The following SMARCC1 variants were observed in gnomAD, a reference collection of about 807,000 sequenced individuals.
SMARCC1 encodes SWI/SNF related BAF chromatin remodeling complex subunit C1.
Under a neutral mutation model 147.4 loss-of-function variants are expected in SMARCC1, and 43 were observed. The observed-to-expected ratio is 0.29, with a 90% confidence interval of 0.23 to 0.38. The LOEUF (loss-of-function observed/expected upper bound fraction) is 0.38. Ranked by LOEUF, SMARCC1 falls within the 10% of genes least tolerant of loss-of-function variation. The pLI is 1.00. For synonymous variants in SMARCC1, 495 were observed against 484.4 expected (o/e 1.02, Z -0.29); for missense variants, 1,119 against 1,381.1 (o/e 0.81, Z 3.01).
chr3:47,619,466 G>C (rs778372295), intron 25 of SMARCC1, among the ~76,000 whole-genome samples: 1 of 152,242 alleles, frequency 6.6e-6, no homozygotes, highest in Non-Finnish European at 1.5e-5. Context: ...TGCCACTGCA[G>C]TAAATGTGAA....
Position 47,680,479 on chromosome 3 carries a change from G to A in SMARCC1, c.1415C>T (p.Pro472Leu). Residue 472 changes from proline (P) to leucine (L), a missense_variant, in exon 15 of 28, where the codon CCT becomes CTT. This residue lies in a region of SMARCC1 where 542 missense variants were observed against 611.8 expected (regional missense o/e 0.89). Transcript: ENST00000254480. ...TTTGTTTTTTCCATTGAAGAACTCA[G>A]GAAGAGCACGCCGTTCAATCACATG... is the stretch of plus-strand genomic sequence containing the variant. The part of the protein sequence containing the change: ...CIHVIERRAL[P>L]EFFNGKNKSK... The A allele has an allele frequency of 6.2e-7, 1 of 1,606,040 alleles. No individual in the cohort carries two copies. Among genetic ancestry groups the A allele is most frequent in the Non-Finnish European group, 8.5e-7 (1 of 1,175,924 alleles).
chr3:47,592,365 T>G (rs1414330276), intron 26 of SMARCC1, among the ~76,000 whole-genome samples: 1 of 152,268 alleles, frequency 6.6e-6, no homozygotes, highest in East Asian at 1.9e-4. Context: ...AATACATCTT[T>G]ATTTATGAAC....
At chr3:47,598,850 A>G (rs201922989) in intron 26 of SMARCC1, among the ~76,000 whole-genome samples, 173 of 39,728 alleles carry the variant, frequency 4.4e-3, no homozygotes, top group Middle Eastern at 0.015. Flanking sequence ...AAAAAAAAAA[A>G]AGAGAGAGAG....
chr3:47,707,645 G>A (rs1459662941), intron 9 of SMARCC1, among the ~76,000 whole-genome samples: 5 of 152,020 alleles, frequency 3.3e-5, no homozygotes, highest in East Asian at 1.9e-4. Flanking sequence ...AGGCCGAGGC[G>A]GGGGGAATGC....
At chr3:47,737,992 A>C in intron 4 of SMARCC1, 37 bp downstream of exon 4, 2 of 1,456,546 alleles carry the variant, frequency 1.4e-6, no homozygotes, top group Non-Finnish European at 1.9e-6. Flanking sequence ...AATATATTAA[A>C]GGTAAACTTT....
intron 24 of SMARCC1, among the ~76,000 whole-genome samples, chr3:47,625,865 A>C (rs2032802049): frequency 6.6e-6 from 1 of 152,160 alleles, no homozygotes; most frequent in Non-Finnish European, 1.5e-5. Flanking sequence ...CAAGAAGTCC[A>C]CTGAAAAGAG....
chr3:47,695,841 C>A (rs2033842498), intron 11 of SMARCC1, among the ~76,000 whole-genome samples: 1 of 135,924 alleles, frequency 7.4e-6, no homozygotes. Flanking sequence ...CTGAGGTGGG[C>A]AGATCACCTG....
intron 1 of SMARCC1, among the ~76,000 whole-genome samples, chr3:47,774,883 G>A (rs1329802411): frequency 6.6e-6 from 1 of 151,552 alleles, no homozygotes; most frequent in African/African-American, 2.4e-5. Context: ...GACAGCCACC[G>A]CAGCCTCAAT....
At chr3:47,657,384 G>A (rs975724104) in intron 21 of SMARCC1, among the ~76,000 whole-genome samples, 3 of 152,090 alleles carry the variant, frequency 2.0e-5, no homozygotes, top group Non-Finnish European at 2.9e-5. Context: ...TGATTACAAC[G>A]AAATGTAACT....
intron 7 of SMARCC1, among the ~76,000 whole-genome samples, chr3:47,719,909 A>C (rs1306260833): frequency 6.6e-6 from 1 of 150,558 alleles, no homozygotes; most frequent in Non-Finnish European, 1.5e-5. Context: ...TTAACTTTTT[A>C]TAGTTTTAGT....
chr3:47,649,109 A>G (rs983424836), intron 21 of SMARCC1, among the ~76,000 whole-genome samples: 2 of 152,252 alleles, frequency 1.3e-5, no homozygotes, highest in African/African-American at 4.8e-5. Flanking sequence ...TGTTTTTACT[A>G]TACTTGAAAG....
intron 24 of SMARCC1, among the ~76,000 whole-genome samples, chr3:47,629,139 C>G (rs1223069995): frequency 1.3e-5 from 2 of 152,208 alleles, no homozygotes; most frequent in East Asian, 1.9e-4. Flanking sequence ...GATGACTGCT[C>G]TGTGTCTCCA....
intron 4 of SMARCC1, among the ~76,000 whole-genome samples, chr3:47,737,689 T>TCCAGC (rs1436036389): frequency 6.6e-6 from 1 of 152,182 alleles, no homozygotes; most frequent in Non-Finnish European, 1.5e-5. Context: ...GGAGTCTCGC[T>TCCAGC]CTGTTGCCCA....
intron 2 of SMARCC1, among the ~76,000 whole-genome samples, chr3:47,751,826 G>A (rs1042442456): frequency 7.2e-5 from 11 of 152,074 alleles, no homozygotes; most frequent in African/African-American, 2.7e-4. Flanking sequence ...GCTCACGCCT[G>A]TAATCCTAGC....
Position 47,741,253 on chromosome 3 carries a change from T to C in SMARCC1, c.402-3143A>G, listed in dbSNP as rs2034506822. ...AAACTTTAACTTTTTCGAAGAGAGT[T>C]AGTCATATCAACCAAAGGCAATGTC... On this transcript the variant is annotated intron_variant, in intron 3 of 27. Transcript: ENST00000254480. Among the ~76,000 whole-genome samples the C allele has an allele frequency of 2.6e-5, 4 of 151,542 alleles. No individual in the cohort carries two copies. The South Asian group carries it at 8.3e-4, about 32-fold the overall frequency.
At position 47,590,773 on chromosome 3, in the gene SMARCC1, A is replaced by G; in HGVS notation, c.3108T>C (p.Thr1036=). Residue 1036 remains threonine (T), a synonymous_variant, in exon 27 of 28, where the codon ACT becomes ACC. Coordinates refer to ENST00000254480, the MANE Select transcript of SMARCC1 (RefSeq NM_003074.4). ...CAGAGGGGTGGATGTTGGCTGCAAC[A>G]GTGGGAATCATGCGGCCTGGCATGT... The part of the protein sequence containing the change: ...GQHMPGRMIP[T]VAANIHPSGS... 1 of 1,604,522 alleles carries G rather than the reference A, an allele frequency of 6.2e-7. No homozygotes were observed. The highest frequency in any genetic ancestry group is 8.5e-7 in the Non-Finnish European group (1 of 1,176,210).
intron 25 of SMARCC1, among the ~76,000 whole-genome samples, chr3:47,619,215 C>T (rs9825183): frequency 0.011 from 1,685 of 152,294 alleles, 33 homozygotes; most frequent in African/African-American, 0.039. Flanking sequence ...ACTGTATTGT[C>T]GTTATTTGTT....
chr3:47,747,440 A>AAAATATAAATAT (rs1222782989), intron 2 of SMARCC1, among the ~76,000 whole-genome samples: 22,611 of 120,628 alleles, frequency 0.19, 2,402 homozygotes, highest in Non-Finnish European at 0.2. Context: ...TTGTCTCAAA[A>AAAATATAAATAT]AAATATAAAT....
intron 2 of SMARCC1, among the ~76,000 whole-genome samples, chr3:47,759,349 G>A (rs549115465): frequency 2.6e-5 from 4 of 151,466 alleles, no homozygotes; most frequent in Admixed American, 1.3e-4. Flanking sequence ...TAGGCTGGGC[G>A]TGGTGGCTCA....
Sources: allele counts gnomAD v4.1 joint callset (sites outside exome capture counted in the v4.1 genomes callset), GRCh38; gene constraint gnomAD v4.1.1; regional missense constraint gnomAD v4.1.1; transcripts MANE v1.5; gene names NCBI Gene and HGNC (gene_info 2026-07-23, HGNC 2026-07-21).